The following TMOD1 variants were observed in gnomAD, a reference collection of about 807,000 sequenced individuals.
The protein encoded by TMOD1 is tropomodulin 1.
In TMOD1, 17 loss-of-function variants were observed where a neutral mutation model predicts 40.6. That is an observed-to-expected ratio of 0.42 (90% CI 0.29 to 0.63). The LOEUF is 0.63. Ranked by LOEUF, TMOD1 falls within the 20% of genes least tolerant of loss-of-function variation. The pLI, the probability that TMOD1 is intolerant of heterozygous loss-of-function variation, is 0.22. For missense variants in TMOD1, 391 were observed against 447.6 expected, an observed-to-expected ratio of 0.87 and a Z score of 1.14; for synonymous variants, 181 against 175.0, an observed-to-expected ratio of 1.03 and a Z score of -0.27.
intron 1 of TMOD1, among the ~76,000 whole-genome samples, chr9:97,508,546 G>T (rs1354349983): frequency 6.6e-6 from 1 of 152,174 alleles, no homozygotes; most frequent in African/African-American, 2.4e-5. Flanking sequence ...TTGTTGTGGG[G>T]ATGAAATTAG....
intron 8 of TMOD1, among the ~76,000 whole-genome samples, chr9:97,572,276 A>G (rs1211578241): frequency 3.9e-5 from 6 of 152,126 alleles, no homozygotes; most frequent in Admixed American, 2.6e-4. Flanking sequence ...GTACCCCCAG[A>G]GGAAAGCCAG....
intron 8 of TMOD1, 30 bp downstream of exon 8, chr9:97,569,067 G>A (rs372795357): frequency 2.2e-5 from 35 of 1,609,584 alleles, no homozygotes; most frequent in Non-Finnish European, 2.7e-5. Flanking sequence ...CCTCAGGTCT[G>A]TTACTACATG....
intron 2 of TMOD1, among the ~76,000 whole-genome samples, chr9:97,528,974 C>T (rs949450214): frequency 2.0e-5 from 3 of 152,184 alleles, no homozygotes; most frequent in Non-Finnish European, 4.4e-5. Context: ...AGGAGGCAGG[C>T]GCTGTTATCA....
chr9:97,511,854 G>GA (rs1402644201), intron 1 of TMOD1, among the ~76,000 whole-genome samples: 2 of 151,994 alleles, frequency 1.3e-5, no homozygotes, highest in Admixed American at 6.6e-5. Context: ...CAAAGTGCTG[G>GA]GATTACCGGT....
In TMOD1 at chr9:97,505,663, TA is replaced by T. The variant is rs140606742; in HGVS notation, c.-49+3862del. 7.8e-3 allele frequency among the ~76,000 whole-genome samples: 1,194 copies of T among 152,234 alleles called. 41 individuals carry two copies. The East Asian group carries it at 0.11, about 13-fold the overall frequency. The stretch of plus-strand genomic sequence containing the variant: ...CGACTCCAGTCACCTCCCAACTCCC[TA>T]ATTCTTGCATCAAGCTGGACTGTGC... On this transcript the variant is annotated intron_variant, in intron 1 of 9. Coordinates refer to ENST00000259365, the MANE Select transcript of TMOD1 (RefSeq NM_003275.4).
At chr9:97,545,573 C>T (rs1021791331) in intron 2 of TMOD1, among the ~76,000 whole-genome samples, 1 of 152,206 alleles carries the variant, frequency 6.6e-6, no homozygotes, top group African/African-American at 2.4e-5. Flanking sequence ...TAGAAGGCAG[C>T]GGGTAGGGCC....
At chr9:97,586,524 G>A (rs754285041) in intron 8 of TMOD1, among the ~76,000 whole-genome samples, 11,020 of 151,782 alleles carry the variant, frequency 0.073, 387 homozygotes, top group African/African-American at 0.084. Flanking sequence ...GAGCTGTGGT[G>A]GGCTCCACCC....
chr9:97,564,192 AC>A, intron 6 of TMOD1, 24 bp downstream of exon 6: 1 of 1,565,720 alleles, frequency 6.4e-7, no homozygotes, highest in Non-Finnish European at 8.7e-7. Context: ...ATTTCACTTT[AC>A]CTGTGTGTGG....
rs1825756042 is a variant in TMOD1 at position 97,581,525 on chromosome 9, G to A, written c.871-9766G>A. On this transcript the variant is annotated intron_variant, in intron 8 of 9. Coordinates refer to ENST00000259365, the MANE Select transcript of TMOD1 (RefSeq NM_003275.4). ...GTATATACCCAGTGATGGGATGGCTGGGTCAAATGGTATTTCCAGTTCTAG... is the reference window on the plus strand; with the variant it reads ...GTATATACCCAGTGATGGGATGGCTAGGTCAAATGGTATTTCCAGTTCTAG... Among the ~76,000 whole-genome samples the A allele has an allele frequency of 5.3e-5, 8 of 151,988 alleles. No homozygotes were observed. The South Asian group carries it at 1.7e-3, about 32-fold the overall frequency.
At chr9:97,594,608 G>A (rs1051239233) in intron 9 of TMOD1, among the ~76,000 whole-genome samples, 1 of 152,184 alleles carries the variant, frequency 6.6e-6, no homozygotes, top group Admixed American at 6.5e-5. Context: ...CTCCTTGGGG[G>A]ACATTGAGTC....
chr9:97,581,473 AT>A (rs1271843927), intron 8 of TMOD1, among the ~76,000 whole-genome samples: 1 of 152,054 alleles, frequency 6.6e-6, no homozygotes, highest in Non-Finnish European at 1.5e-5. Flanking sequence ...AGGTGTCTTT[AT>A]AGCAGCATGA....
In TMOD1 at chr9:97,585,651, G is replaced by A. The variant is rs1289493223; in HGVS notation, c.871-5640G>A. Among the ~76,000 whole-genome samples the A allele has an allele frequency of 2.3e-5, 3 of 128,822 alleles. 1 individual carries two copies. The highest frequency in any genetic ancestry group is 4.9e-5 in the Non-Finnish European group (3 of 61,230). 84.5% of individuals were successfully genotyped at this position (128,822 alleles called of 152,430 possible). On this transcript the variant is annotated intron_variant, in intron 8 of 9. Coordinates refer to ENST00000259365, the MANE Select transcript of TMOD1 (RefSeq NM_003275.4). ...TCACTTTCAGGTACACCAATCAGAC[G>A]TAGATTTGGTCTTTTCACATGGTCC...
intron 8 of TMOD1, among the ~76,000 whole-genome samples, chr9:97,572,636 T>C (rs1290301327): frequency 2.6e-5 from 4 of 151,920 alleles, no homozygotes; most frequent in East Asian, 1.9e-4. Context: ...AGGTGGCGAG[T>C]GGCATTTGAT....
intron 4 of TMOD1, among the ~76,000 whole-genome samples, chr9:97,559,850 T>A (rs1830610837): frequency 7.8e-6 from 1 of 128,022 alleles, no homozygotes; most frequent in Non-Finnish European, 1.6e-5. Context: ...TATCTATCTA[T>A]CTCCAGAGAT....
intron 2 of TMOD1, among the ~76,000 whole-genome samples, chr9:97,529,852 A>C (rs1830072150): frequency 6.6e-6 from 1 of 152,220 alleles, no homozygotes; most frequent in Admixed American, 6.5e-5. Flanking sequence ...TCATATGAGT[A>C]ATAGACGCTC....
intron 4 of TMOD1, among the ~76,000 whole-genome samples, chr9:97,554,433 G>A (rs1019379296): frequency 2.6e-5 from 4 of 152,136 alleles, no homozygotes; most frequent in Admixed American, 6.5e-5. Context: ...CAGTTGTATA[G>A]GAAGTTCTGG....
At chr9:97,549,281 A>AC (rs1158202037) in intron 3 of TMOD1, among the ~76,000 whole-genome samples, 3 of 151,976 alleles carry the variant, frequency 2.0e-5, no homozygotes, top group Non-Finnish European at 4.4e-5. Flanking sequence ...TCATTCTGCC[A>AC]CCCCTACAAC....
intron 4 of TMOD1, among the ~76,000 whole-genome samples, chr9:97,554,316 G>A (rs1055707293): frequency 1.3e-5 from 2 of 152,186 alleles, no homozygotes; most frequent in Non-Finnish European, 1.5e-5. Flanking sequence ...AAGTGGTGTC[G>A]GTGCCATTAG....
At chr9:97,533,286 G>A (rs1830130520) in intron 2 of TMOD1, among the ~76,000 whole-genome samples, 1 of 152,200 alleles carries the variant, frequency 6.6e-6, no homozygotes, top group Non-Finnish European at 1.5e-5. Flanking sequence ...ACATATACAT[G>A]TGTGATTAGA....
Sources: allele counts gnomAD v4.1 joint callset (sites outside exome capture counted in the v4.1 genomes callset), GRCh38; gene constraint gnomAD v4.1.1; transcripts MANE v1.5; gene names NCBI Gene and HGNC (gene_info 2026-07-23, HGNC 2026-07-21).